MYH13: variants seen among roughly 807,000 people sequenced by gnomAD.
The protein encoded by MYH13 is myosin-13.
In MYH13, 177 loss-of-function variants were observed where a neutral mutation model predicts 232.1. The ratio of observed to expected loss-of-function variants is 0.76; its 90% CI spans 0.67 to 0.86. MYH13 has a LOEUF of 0.86. Among genes scored for constraint, MYH13 ranks in the 40% least tolerant of loss-of-function variants. The pLI, the probability that MYH13 is intolerant of heterozygous loss-of-function variation, is 0.00. For missense variants in MYH13, 2,246 were observed against 2,405.9 expected (o/e 0.93, Z 1.39); for synonymous variants, 884 against 923.5 (o/e 0.96, Z 0.78).
intron 27 of MYH13, among the ~76,000 whole-genome samples, chr17:10,317,238 G>A (rs1322095099): frequency 1.3e-5 from 2 of 152,134 alleles, no homozygotes; most frequent in Non-Finnish European, 2.9e-5. Context: ...CCGAGAGAGA[G>A]GTGTGGGAGG....
Position 10,309,330 on chromosome 17 carries a change from TTCCTCCAGC to T in MYH13, c.5064_5072del (p.Leu1689_Glu1691del), listed in dbSNP as rs781495379. ...CCGTCTGTTCCAGGGCCACCTTCAT[TTCCTCCAGC>T]TCCTCCAGCAGGAGGCCATTCCTGC... On this transcript the variant is annotated inframe_deletion, in exon 35 of 41. Coordinates refer to ENST00000252172, the MANE Select transcript of MYH13 (RefSeq NM_003802.3). 1.2e-6 allele frequency: 2 copies of T among 1,613,886 alleles called. No homozygotes were observed. Among genetic ancestry groups the T allele is most frequent in the East Asian group, 2.2e-5 (1 of 44,874 alleles).
At chr17:10,345,751 T>C (rs1450401847) in intron 13 of MYH13, 135 bp from the exon 14 acceptor site, 6 of 1,475,568 alleles carry the variant, frequency 4.1e-6, no homozygotes, top group African/African-American at 2.8e-5. Context: ...TCCCAGCACT[T>C]TGGGAGGCCA....
At position 10,309,483 on chromosome 17, in the gene MYH13, G is replaced by C. The variant is rs759430273; in HGVS notation, c.4965+39C>G. ...GAGGCCAGAGCCGCCTGGCAGGCTG[G>C]GGCCCGTCCAGGTACGCAGAGGCGG... On this transcript the variant is annotated intron_variant, in intron 34 of 40. Transcript: ENST00000252172. 3 of 1,601,122 alleles carry C rather than the reference G, an allele frequency of 1.9e-6. No homozygotes were observed. The East Asian group carries it at 6.8e-5, about 36-fold the overall frequency.
At chr17:10,330,265 T>C in intron 21 of MYH13, 122 bp downstream of exon 21, 1 of 1,383,724 alleles carries the variant, frequency 7.2e-7, no homozygotes, top group East Asian at 2.5e-5. Flanking sequence ...TCAGTAGATG[T>C]GGGTTAAACA....
chr17:10,331,214 T>A (rs776439055), intron 20 of MYH13, among the ~76,000 whole-genome samples: 12 of 152,088 alleles, frequency 7.9e-5, no homozygotes, highest in Non-Finnish European at 1.6e-4. Flanking sequence ...TCTTCTTCTG[T>A]CCATCTGGGA....
rs867874727 is a variant in MYH13, at chr17:10,306,095, T to C, written c.5466+364A>G. 1.3e-5 allele frequency among the ~76,000 whole-genome samples: 2 copies of C among 152,200 alleles called. No individual in the cohort carries two copies. The highest frequency in any genetic ancestry group is 2.1e-4 in the South Asian group (1 of 4,830). Reference sequence around the variant, plus strand: ...ATCAAAATGAGTAATTTTATGACTGTAGAGTATATGTTAATAGTTTTTTCC... The same window carrying C: ...ATCAAAATGAGTAATTTTATGACTGCAGAGTATATGTTAATAGTTTTTTCC... On this transcript the variant is annotated intron_variant, in intron 37 of 40. Coordinates refer to ENST00000252172, the MANE Select transcript of MYH13 (RefSeq NM_003802.3). This position sits in a 1 kb window ranked among gnomAD's most constrained non-coding sequence, Gnocchi z 4.3.
At chr17:10,323,775 AAAAAAAAAAAAAAAGAAGAAGAAG>A (rs1907069745) in intron 23 of MYH13, among the ~76,000 whole-genome samples, 2 of 77,874 alleles carry the variant, frequency 2.6e-5, no homozygotes, top group African/African-American at 9.6e-5. Flanking sequence ...AAAAAAAAAA[AAAAAAAAAAAAAAAGAAGAAGAAG>A]AAGAAGAAGA....
rs200568757 is a variant in MYH13 at position 10,324,278 on chromosome 17, G to T, written c.2692-14C>A. The T allele has an allele frequency of 4.3e-6, 7 of 1,612,056 alleles. No individual in the cohort carries two copies. Among genetic ancestry groups the T allele is most frequent in the Non-Finnish European group, 5.9e-6 (7 of 1,179,280 alleles). On this transcript the variant is annotated splice_polypyrimidine_tract_variant and intron_variant, in intron 22 of 40. Transcript: ENST00000252172. ...ATTTTCTGTTTCCTGAAAGAACCAG[G>T]TCATTTTATGTTTTGATTGGCCTCT...
At chr17:10,366,737 A>G (rs1235861787) in intron 2 of MYH13, among the ~76,000 whole-genome samples, 2 of 152,120 alleles carry the variant, frequency 1.3e-5, no homozygotes, top group Non-Finnish European at 2.9e-5. Context: ...TATAGTGGGA[A>G]AGTTGAACAT....
chr17:10,324,233 C>T lies in MYH13; in HGVS notation c.2723G>A (p.Arg908Gln), dbSNP rs572952027. ...CTTGCTTTTGATGAGTCCTTCACAC[C>T]GTTCCTCAGCGTCCATCAGATTTTC... Reference protein sequence around the residue: ...ETENLMDAEERCEGLIKSKIL... With the variant: ...ETENLMDAEEQCEGLIKSKIL... The change falls in exon 23 of 41, where the codon CGG becomes CAG. Residue 908 changes from arginine (R) to glutamine (Q), a missense_variant. By Grantham distance (43) the Arg-to-Gln change is conservative. Coordinates refer to ENST00000252172, the MANE Select transcript of MYH13 (RefSeq NM_003802.3). 91 of 1,613,870 alleles carry T rather than the reference C, an allele frequency of 5.6e-5. No individual in the cohort carries two copies. Among genetic ancestry groups the T allele is most frequent in the Middle Eastern group, 3.3e-4 (2 of 6,062 alleles).
chr17:10,333,224 G>T (rs2142247676), intron 18 of MYH13, 33 bp from the exon 19 acceptor site: 1 of 1,434,696 alleles, frequency 7.0e-7, no homozygotes, highest in Non-Finnish European at 9.6e-7. Context: ...GTGTGCCTGT[G>T]ACCCCTTCAT....
rs748537792 is a variant in MYH13, at chr17:10,328,033, G to A, written c.2524C>T (p.Pro842Ser). ...PWMNLFFKIKPLLKSAEAEKE... is the reference protein window; with the variant it reads ...PWMNLFFKIKSLLKSAEAEKE... ...TCGGCCTCTGCACTCTTCAGCAGGG[G>A]CTTGATTTTGAAGAACAGGTTCATC... Residue 842 changes from proline (P) to serine (S), a missense_variant, in exon 22 of 41, where the codon CCC becomes TCC. Transcript: ENST00000252172. 1 of 1,614,150 alleles carries A rather than the reference G, an allele frequency of 6.2e-7. No individual in the cohort carries two copies. Among genetic ancestry groups the A allele is most frequent in the Admixed American group, 1.7e-5 (1 of 60,020 alleles).
chr17:10,354,314 A>T (rs8071196), intron 11 of MYH13, among the ~76,000 whole-genome samples: 122,324 of 152,174 alleles, frequency 0.8, 49,423 homozygotes, highest in East Asian at 0.94. Flanking sequence ...TGCTTTATAC[A>T]TTTTTATATT....
In MYH13 at chr17:10,321,551, A is replaced by G; in HGVS notation, c.3092T>C (p.Leu1031Pro). The change falls in exon 24 of 41, where the codon CTT (leucine) becomes CCT (proline). Residue 1031 changes from leucine (L) to proline (P), a missense_variant. Physicochemically the swap from Leu to Pro is moderately conservative, Grantham distance 98 (BLOSUM62 -3). Transcript: ENST00000252172. ...VNGLIKINAK[L>P]EQQTDDLEGS... ...CCTCACATCATCTGTTTGCTGTTCA[A>G]GCTTGGCATTTATTTTGATTAGACC... The G allele has an allele frequency of 6.2e-7, 1 of 1,612,524 alleles. No homozygotes were observed. Among genetic ancestry groups the G allele is most frequent in the Non-Finnish European group, 8.5e-7 (1 of 1,179,602 alleles).
In MYH13 at chr17:10,311,031, G is replaced by A. The variant is rs909410034; in HGVS notation, c.4656+72C>T. 3.2e-6 allele frequency: 5 copies of A among 1,583,988 alleles called. No individual in the cohort carries two copies. In the African/African-American group the frequency reaches 6.7e-5, roughly 21 times the overall value. ...GTCTCCTGGCAGGAAAGGCCCCATG[G>A]GGTGGTGAAGGGCAGCCTCTTTCAG... On this transcript the variant is annotated intron_variant, in intron 33 of 40. Transcript: ENST00000252172.
At chr17:10,322,439 G>A (rs1445223959) in intron 23 of MYH13, among the ~76,000 whole-genome samples, 2 of 152,078 alleles carry the variant, frequency 1.3e-5, no homozygotes, top group African/African-American at 4.8e-5. Context: ...CAGAACGGGA[G>A]TGCTGTGTTA....
chr17:10,349,670 G>A (rs1450009633), intron 12 of MYH13, among the ~76,000 whole-genome samples: 1 of 151,902 alleles, frequency 6.6e-6, no homozygotes, highest in Non-Finnish European at 1.5e-5. Flanking sequence ...CCCATGATGC[G>A]GTGACCAATC....
At chr17:10,328,723 G>A (rs1907309102) in intron 21 of MYH13, among the ~76,000 whole-genome samples, 1 of 143,872 alleles carries the variant, frequency 7.0e-6, no homozygotes, top group South Asian at 2.2e-4. Context: ...TGTTGCCCAA[G>A]CTAGAGTGCA....
intron 39 of MYH13, 127 bp downstream of exon 39, chr17:10,303,069 T>C (rs766060401): frequency 9.1e-6 from 7 of 769,634 alleles, no homozygotes; most frequent in Non-Finnish European, 1.6e-5. Flanking sequence ...GTCTCTGTGT[T>C]TATAGCCTGC....
Sources: allele counts gnomAD v4.1 joint callset (sites outside exome capture counted in the v4.1 genomes callset), GRCh38; gene constraint gnomAD v4.1.1; non-coding constraint Gnocchi (gnomAD v3.1); transcripts MANE v1.5; gene names NCBI Gene and HGNC (gene_info 2026-07-23, HGNC 2026-07-21).